The following LIN54 variants were observed in gnomAD, a reference collection of about 807,000 sequenced individuals.
LIN54 encodes the protein lin-54 DREAM MuvB core complex component.
A neutral mutation model predicts 78.7 loss-of-function variants in LIN54; 9 were observed. The observed-to-expected ratio is 0.11, with a 90% confidence interval of 0.07 to 0.20. The LOEUF (loss-of-function observed/expected upper bound fraction) is 0.20, where lower values mean the gene tolerates loss of function less well. Among genes scored for constraint, LIN54 ranks in the 10% least tolerant of loss-of-function variants. The pLI is 1.00. For missense variants in LIN54, 573 were observed against 889.9 expected, an observed-to-expected ratio of 0.64 and a Z score of 4.53; for synonymous variants, 269 against 318.4, an observed-to-expected ratio of 0.84 and a Z score of 1.65.
At chr4:82,933,680 G>A (rs951883055) in intron 11 of LIN54, among the ~76,000 whole-genome samples, 1 of 152,128 alleles carries the variant, frequency 6.6e-6, no homozygotes. Flanking sequence ...CATAACTTTT[G>A]GAATGATAAA....
chr4:82,981,850 G>A (rs879421541), intron 2 of LIN54, among the ~76,000 whole-genome samples: 19 of 152,060 alleles, frequency 1.2e-4, no homozygotes, highest in Admixed American at 9.2e-4. Flanking sequence ...TGGGCTACAT[G>A]GCAAAGCCCC....
intron 3 of LIN54, among the ~76,000 whole-genome samples, chr4:82,973,901 A>G (rs1725893593): frequency 6.6e-6 from 1 of 152,180 alleles, no homozygotes; most frequent in South Asian, 2.1e-4. Context: ...ATGCATTCAC[A>G]GAACTACATC....
Position 83,010,812 on chromosome 4 carries a change from G to T in LIN54, c.-361C>A, listed in dbSNP as rs1300387340. On this transcript the variant is annotated 5_prime_UTR_variant, in exon 1 of 13. Coordinates refer to ENST00000340417, the MANE Select transcript of LIN54 (RefSeq NM_194282.4). Reference sequence around the variant, plus strand: ...CGGAGCCCGGGCCGCCGCCGCCGCCGCCACCACCAGTAACCTCCCCCTTCC... The same window carrying T: ...CGGAGCCCGGGCCGCCGCCGCCGCCTCCACCACCAGTAACCTCCCCCTTCC... The T allele has an allele frequency of 1.6e-6, 2 of 1,228,504 alleles. No homozygotes were observed. The highest frequency in any genetic ancestry group is 2.0e-6 in the Non-Finnish European group (2 of 986,592). The allele number at this position is 1,228,504 out of a possible 1,614,324, so 76.1% of individuals were successfully genotyped here. A position where few individuals can be genotyped will look rare whatever the true frequency, so the allele number is the denominator to read the frequency against.
rs573834871 is a variant in LIN54, at chr4:82,949,629, C to G, written c.952-3155G>C. Reference sequence around the variant, plus strand: ...CCAGGCTGGTCTTGAACTCCTGACCCCAAGTGATCGGCCTCCCTCAGCTTC... The same window carrying G: ...CCAGGCTGGTCTTGAACTCCTGACCGCAAGTGATCGGCCTCCCTCAGCTTC... On this transcript the variant is annotated intron_variant, in intron 4 of 12. Transcript: ENST00000340417. Among the ~76,000 whole-genome samples the G allele has an allele frequency of 3.1e-3, 465 of 151,330 alleles. 7 individuals are homozygous for G. The highest frequency in any genetic ancestry group is 1.0e-3 in the Non-Finnish European group (71 of 67,784).
intron 6 of LIN54, 59 bp from the exon 7 acceptor site, chr4:82,939,795 A>AAGAGATTTAG (rs1722696652): frequency 6.3e-7 from 1 of 1,592,690 alleles, no homozygotes; most frequent in Non-Finnish European, 8.6e-7. Flanking sequence ...TGTTCAATTC[A>AAGAGATTTAG]GTATAAATCT....
intron 1 of LIN54, among the ~76,000 whole-genome samples, chr4:82,985,529 TTTAC>T (rs1361996218): frequency 1.3e-5 from 2 of 152,220 alleles, no homozygotes; most frequent in African/African-American, 4.8e-5. Flanking sequence ...TCCTTGGCCA[TTTAC>T]TTACTTACTT....
intron 4 of LIN54, among the ~76,000 whole-genome samples, chr4:82,947,235 A>ATATATTTTTTTTTTTT: frequency 2.5e-4 from 11 of 44,292 alleles, no homozygotes; most frequent in African/African-American, 9.0e-4. Context: ...ATATATATAT[A>ATATATTTTTTTTTTTT]TTTTTTTTTT....
chr4:83,005,412 C>T (rs556573373), intron 1 of LIN54, among the ~76,000 whole-genome samples: 249 of 152,044 alleles, frequency 1.6e-3, no homozygotes, highest in African/African-American at 5.8e-3. Flanking sequence ...CTAAGGCAGG[C>T]GGATCACTTG....
intron 1 of LIN54, among the ~76,000 whole-genome samples, chr4:82,994,194 A>C (rs529525812): frequency 1.3e-5 from 2 of 152,176 alleles, no homozygotes; most frequent in East Asian, 3.9e-4. Flanking sequence ...ATTTTACCTG[A>C]CACATGGATA....
chr4:82,996,588 T>C lies in LIN54; in HGVS notation c.-32-11712A>G, dbSNP rs1016792396. 2.9e-4 allele frequency among the ~76,000 whole-genome samples: 44 copies of C among 151,930 alleles called. 1 individual carries two copies. Among genetic ancestry groups the C allele is most frequent in the Non-Finnish European group, 1.2e-4 (8 of 67,932 alleles). On this transcript the variant is annotated intron_variant, in intron 1 of 12. Transcript: ENST00000340417. The stretch of plus-strand genomic sequence containing the variant: ...GCCTGGCTAATTTTTGTATTTTTAG[T>C]AGAGATGGGGTTTCACCATGTTGGC...
chr4:82,968,335 T>C (rs1725388172), intron 4 of LIN54, among the ~76,000 whole-genome samples: 1 of 152,236 alleles, frequency 6.6e-6, no homozygotes, highest in South Asian at 2.1e-4. Context: ...AGATCCAATA[T>C]GGCAGGGCTA....
In LIN54 at chr4:82,926,685, T is replaced by C. The variant is rs961820876; in HGVS notation, c.*1417A>G. 1 of 152,188 alleles carries C rather than the reference T, an allele frequency of 6.6e-6. No individual in the cohort carries two copies. Among genetic ancestry groups the C allele is most frequent in the Non-Finnish European group, 1.5e-5 (1 of 68,026 alleles). The allele number at this position is 152,188 out of a possible 1,614,324, so 9.4% of individuals were successfully genotyped here. A position where few individuals can be genotyped will look rare whatever the true frequency, so the allele number is the denominator to read the frequency against. Reference sequence around the variant, plus strand: ...ATACTGAAAATGATTTAGGTTATTTTAGTAATTATAGGAAAACAGACCTTC... The same window carrying C: ...ATACTGAAAATGATTTAGGTTATTTCAGTAATTATAGGAAAACAGACCTTC... On this transcript the variant is annotated 3_prime_UTR_variant, in exon 13 of 13. Transcript: ENST00000340417.
chr4:82,987,108 T>C (rs1383584324), intron 1 of LIN54, among the ~76,000 whole-genome samples: 1 of 152,186 alleles, frequency 6.6e-6, no homozygotes, highest in Non-Finnish European at 1.5e-5. Context: ...CTGGCCAACA[T>C]GGCAAAACCC....
intron 1 of LIN54, among the ~76,000 whole-genome samples, chr4:83,001,584 G>A (rs544034111): frequency 1.2e-4 from 18 of 151,478 alleles, no homozygotes; most frequent in Admixed American, 9.9e-4. Context: ...AGTGGCTCAC[G>A]CCTGTAATCC....
At chr4:82,964,708 G>A (rs1489656767) in intron 4 of LIN54, among the ~76,000 whole-genome samples, 1 of 108,272 alleles carries the variant, frequency 9.2e-6, no homozygotes, top group Middle Eastern at 4.5e-3. Flanking sequence ...AAGCTTTATT[G>A]CTCAAAAAAA....
At chr4:82,953,303 AC>A (rs1470883973) in intron 4 of LIN54, among the ~76,000 whole-genome samples, 2 of 152,288 alleles carry the variant, frequency 1.3e-5, no homozygotes, top group South Asian at 4.1e-4. Flanking sequence ...ACGGGGAGTG[AC>A]TGTTTAAAGG....
intron 1 of LIN54, among the ~76,000 whole-genome samples, chr4:82,988,859 T>A (rs1727415362): frequency 6.6e-6 from 1 of 152,206 alleles, no homozygotes; most frequent in Admixed American, 6.5e-5. Context: ...ATATCTTCCT[T>A]TGACAAGTTC....
At chr4:82,991,669 C>G (rs558638316) in intron 1 of LIN54, among the ~76,000 whole-genome samples, 35 of 152,040 alleles carry the variant, frequency 2.3e-4, no homozygotes, top group Non-Finnish European at 4.4e-4. Flanking sequence ...TACGTCTTTC[C>G]CAATTTGATG....
Position 82,978,979 on chromosome 4 carries a change from A to G in LIN54, c.712T>C (p.Ser238Pro). The G allele has an allele frequency of 1.3e-6, 2 of 1,592,578 alleles. No individual in the cohort carries two copies. The highest frequency in any genetic ancestry group is 1.7e-6 in the Non-Finnish European group (2 of 1,164,516). The change falls in exon 3 of 13, where the codon TCT becomes CCT. Residue 238 changes from serine (S) to proline (P), a missense_variant. This residue lies in a region of LIN54 where 199 missense variants were observed against 260.9 expected (regional missense o/e 0.76). Coordinates refer to ENST00000340417, the MANE Select transcript of LIN54 (RefSeq NM_194282.4). ...QIAKKPRTPT[S>P]GPVITKLIFA... The stretch of plus-strand genomic sequence containing the variant: ...ATCAGCTTCGTGATTACTGGACCAG[A>G]GGTTGGCGTTCGAGGCTTCTTAGCA...
Sources: gnomAD v4.1 joint callset for allele counts (sites outside exome capture counted in the v4.1 genomes callset) on GRCh38, gnomAD v4.1.1 for gene constraint, gnomAD v4.1.1 regional missense constraint, MANE v1.5 for transcripts, NCBI Gene and HGNC (gene_info 2026-07-23, HGNC 2026-07-21) for gene names.